The following TGM7 variants were observed in gnomAD, a reference collection of about 807,000 sequenced individuals.
TGM7 encodes the protein protein-glutamine gamma-glutamyltransferase Z.
A neutral mutation model predicts 79.5 loss-of-function variants in TGM7; 74 were observed. That is an observed-to-expected ratio of 0.93 (90% CI 0.77 to 1.13). TGM7 has a LOEUF of 1.13. Ranked by LOEUF, TGM7 falls within the 50% of genes most tolerant of loss-of-function variation. TGM7 has a pLI of 0.00. For synonymous variants in TGM7, 354 were observed against 362.5 expected (o/e 0.98, Z 0.27); for missense variants, 912 against 905.9 (o/e 1.01, Z -0.09).
chr15:43,292,885 A>G lies in TGM7; in HGVS notation c.263T>C (p.Val88Ala). The G allele has an allele frequency of 6.2e-7, 1 of 1,613,970 alleles. No homozygotes were observed. The highest frequency in any genetic ancestry group is 8.5e-7 in the Non-Finnish European group (1 of 1,180,006). The change falls in exon 3 of 13, where the codon GTC becomes GCC. Residue 88 changes from valine (V) to alanine (A), a missense_variant. Transcript: ENST00000452443. ...AATGGTGAAATCAGAAGCGCTCCAGACATTCCCGGGCTGGACCCGGGTGAG... is the reference window on the plus strand; with the variant it reads ...AATGGTGAAATCAGAAGCGCTCCAGGCATTCCCGGGCTGGACCCGGGTGAG... ...FFLTRVQPGN[V>A]WSASDFTIDS...
intron 1 of TGM7, among the ~76,000 whole-genome samples, chr15:43,294,359 G>T (rs2042981983): frequency 6.6e-6 from 1 of 152,176 alleles, no homozygotes; most frequent in African/African-American, 2.4e-5. Flanking sequence ...TAGGCAGTGG[G>T]CAGGTTCTGG....
intron 6 of TGM7, among the ~76,000 whole-genome samples, chr15:43,285,282 A>G (rs1009231135): frequency 6.6e-6 from 1 of 152,198 alleles, no homozygotes; most frequent in Non-Finnish European, 1.5e-5. Flanking sequence ...TACGCCTGTA[A>G]TCCCAGCACT....
chr15:43,296,241 T>C (rs491648), intron 1 of TGM7, among the ~76,000 whole-genome samples: 34,757 of 151,968 alleles, frequency 0.23, 5,757 homozygotes, highest in African/African-American at 0.47. Flanking sequence ...CTGGCTAACA[T>C]GGTGAAACCC....
In TGM7 at chr15:43,279,284, A is replaced by C; in HGVS notation, c.1679-7T>G. The C allele has an allele frequency of 6.2e-7, 1 of 1,613,300 alleles. No homozygotes were observed. Among genetic ancestry groups the C allele is most frequent in the Non-Finnish European group, 8.5e-7 (1 of 1,179,504 alleles). ...AGGAGCGGCCACTGTGTCTCTAAGC[A>C]CATACAAAAGACACCTTGAGTCCAG... On this transcript the variant is annotated splice_region_variant and splice_polypyrimidine_tract_variant and intron_variant, in intron 10 of 12. Coordinates refer to ENST00000452443, the MANE Select transcript of TGM7 (RefSeq NM_052955.3).
chr15:43,287,151 C>T, intron 6 of TGM7, 129 bp downstream of exon 6: 1 of 1,071,988 alleles, frequency 9.3e-7, no homozygotes, highest in Admixed American at 2.3e-5. Flanking sequence ...GGTGTGCTAG[C>T]TCAGGGCCTG....
At chr15:43,281,695 C>T (rs1311155826) in intron 9 of TGM7, 149 bp downstream of exon 9, 1 of 1,218,768 alleles carries the variant, frequency 8.2e-7, no homozygotes, top group African/African-American at 1.5e-5. Flanking sequence ...ACCCTAGGGC[C>T]ACATGCCTGG....
Position 43,282,036 on chromosome 15 carries a change from C to T in TGM7, c.1159G>A (p.Val387Ile). The T allele has an allele frequency of 1.9e-6, 3 of 1,614,176 alleles. No homozygotes were observed. The highest frequency in any genetic ancestry group is 2.5e-6 in the Non-Finnish European group (3 of 1,180,038). ...ASVKAIREGD[V>I]HLAYDTPFVY... is the part of the protein sequence containing the mutation. ...AAAGGGGTGTCATAGGCCAGGTGGA[C>T]ATCCCCTTCCCTGATGGCCTTCACA... Residue 387 changes from valine to isoleucine, a missense_variant, in exon 9 of 13, where the codon GTC (valine) becomes ATC (isoleucine). By Grantham distance (29) the Val-to-Ile change is conservative (BLOSUM62 3). Coordinates refer to ENST00000452443, the MANE Select transcript of TGM7 (RefSeq NM_052955.3).
intron 6 of TGM7, among the ~76,000 whole-genome samples, chr15:43,285,270 C>T (rs1474720708): frequency 6.6e-6 from 1 of 152,218 alleles, no homozygotes; most frequent in Non-Finnish European, 1.5e-5. Flanking sequence ...GGCGCGGTGG[C>T]TTACGCCTGT....
chr15:43,300,213 T>C (rs915376039), intron 1 of TGM7, among the ~76,000 whole-genome samples: 2 of 152,248 alleles, frequency 1.3e-5, no homozygotes, highest in East Asian at 3.8e-4. Context: ...TAGTTGAATA[T>C]CTAGTTAATA....
At chr15:43,300,131 C>T (rs1336932751) in intron 1 of TGM7, among the ~76,000 whole-genome samples, 1 of 152,202 alleles carries the variant, frequency 6.6e-6, no homozygotes, top group Non-Finnish European at 1.5e-5. Context: ...TCAAACAAAA[C>T]CCAGCAGCCA....
At chr15:43,291,532 A>G (rs951636608) in intron 4 of TGM7, among the ~76,000 whole-genome samples, 4 of 152,234 alleles carry the variant, frequency 2.6e-5, no homozygotes, top group African/African-American at 9.6e-5. Context: ...TTCACATCAC[A>G]AAATATTATT....
rs1164674012 is a variant in TGM7 at position 43,281,931 on chromosome 15, T to C, written c.1264A>G (p.Thr422Ala). The C allele has an allele frequency of 5.0e-6, 8 of 1,614,028 alleles. No individual in the cohort carries two copies. The highest frequency in any genetic ancestry group is 6.8e-6 in the Non-Finnish European group (8 of 1,180,020). Residue 422 changes from threonine (T) to alanine (A), a missense_variant, in exon 9 of 13, where the codon ACC becomes GCC. Thr to Ala is a moderately conservative substitution (Grantham distance 58). Coordinates refer to ENST00000452443, the MANE Select transcript of TGM7 (RefSeq NM_052955.3). ...CTGATCTCCTTCCCGATGGAACTGG[T>C]GTTGTGGGCCAGGATTTCCTGGGCC... is the stretch of plus-strand genomic sequence containing the variant. ...GQAQEILAHN[T>A]SSIGKEISTK...
intron 8 of TGM7, 90 bp downstream of exon 8, chr15:43,282,427 C>T: frequency 5.2e-6 from 6 of 1,151,302 alleles, no homozygotes; most frequent in Non-Finnish European, 7.5e-6. Context: ...GTGGAAAACG[C>T]TGCTCCTCCC....
chr15:43,281,768 A>G (rs1465530300), intron 9 of TGM7, 76 bp downstream of exon 9: 2 of 1,573,034 alleles, frequency 1.3e-6, no homozygotes, highest in African/African-American at 2.7e-5. Context: ...TGATGGTTTC[A>G]ACTTGGAGCC....
At chr15:43,282,928 T>C (rs1441908513) in intron 7 of TGM7, among the ~76,000 whole-genome samples, 5 of 152,138 alleles carry the variant, frequency 3.3e-5, no homozygotes, top group Non-Finnish European at 7.4e-5. Context: ...CGGGCACCTG[T>C]AGTCCCAGCT....
At chr15:43,276,669 G>A in intron 12 of TGM7, 55 bp from the exon 13 acceptor site, 1 of 1,577,920 alleles carries the variant, frequency 6.3e-7, no homozygotes, top group South Asian at 1.2e-5. Flanking sequence ...TGGCGGCAGG[G>A]GTGATCTGGT....
intron 7 of TGM7, 145 bp from the exon 8 acceptor site, chr15:43,282,765 T>A: frequency 2.8e-6 from 2 of 714,734 alleles, no homozygotes; most frequent in Non-Finnish European, 4.6e-6. Context: ...ACAAGAATAG[T>A]ACAGGCTGGG....
chr15:43,285,264 C>T (rs893844498), intron 6 of TGM7, among the ~76,000 whole-genome samples: 15 of 152,196 alleles, frequency 9.9e-5, no homozygotes, highest in African/African-American at 3.6e-4. Context: ...GGGCCAGGCG[C>T]GGTGGCTTAC....
chr15:43,280,812 G>A (rs1451758727), intron 9 of TGM7, among the ~76,000 whole-genome samples: 1 of 152,196 alleles, frequency 6.6e-6, no homozygotes, highest in Admixed American at 6.5e-5. Context: ...AGAAGAAACT[G>A]TTTTAAGGAA....
Sources: gnomAD v4.1 joint callset for allele counts (sites outside exome capture counted in the v4.1 genomes callset) on GRCh38, gnomAD v4.1.1 for gene constraint, MANE v1.5 for transcripts, NCBI Gene and HGNC (gene_info 2026-07-23, HGNC 2026-07-21) for gene names.